Variants in MYO3B observed in about 807,000 individuals in gnomAD.
MYO3B encodes myosin-IIIb.
Under a neutral mutation model 174.6 loss-of-function variants are expected in MYO3B, and 156 were observed. The observed-to-expected ratio is 0.89, with a 90% CI of 0.78 to 1.02. The LOEUF (loss-of-function observed/expected upper bound fraction) is 1.02. Among genes scored for constraint, MYO3B ranks in the 50% least tolerant of loss-of-function variants. MYO3B has a pLI of 0.00. For synonymous variants in MYO3B, 563 were observed against 569.1 expected, an observed-to-expected ratio of 0.99 and a Z score of 0.15; for missense variants, 1,632 against 1,639.4, an observed-to-expected ratio of 1.00 and a Z score of 0.08.
chr2:170,400,005 T>C (rs1408193412), intron 16 of MYO3B, among the ~76,000 whole-genome samples, 183 bp from the exon 17 acceptor site: 2 of 152,138 alleles, frequency 1.3e-5, no homozygotes, highest in African/African-American at 2.4e-5. Context: ...GCTTGCTTCA[T>C]TGTTAAAATG....
rs77814220 is a variant in MYO3B, at chr2:170,507,058, A to C, written c.3370+5193A>C. ...TCAAACTCACTGTCTTTATCAGAGG[A>C]AGCACAGGTGTGAGAGAAGACAAGA... On this transcript the variant is annotated intron_variant, in intron 28 of 34. Transcript: ENST00000408978. 8.9e-3 allele frequency among the ~76,000 whole-genome samples: 1,357 copies of C among 152,322 alleles called. 42 individuals are homozygous for C. The highest frequency in any genetic ancestry group is 0.088 in the East Asian group (457 of 5,180).
chr2:170,442,497 CTTT>C (rs34632756), intron 22 of MYO3B, among the ~76,000 whole-genome samples: 8,596 of 136,828 alleles, frequency 0.063, 298 homozygotes, highest in African/African-American at 0.091. Context: ...AGGAGGTGTT[CTTT>C]TTTTTTTTTT....
At chr2:170,389,757 G>C (rs964435956) in intron 14 of MYO3B, among the ~76,000 whole-genome samples, 6 of 152,140 alleles carry the variant, frequency 3.9e-5, no homozygotes, top group Non-Finnish European at 7.4e-5. Flanking sequence ...AGATGCTCAA[G>C]CTAGAAATCT....
chr2:170,214,300 G>A (rs67994603), intron 3 of MYO3B, 79 bp from the exon 4 acceptor site: 1 of 1,158,532 alleles, frequency 8.6e-7, no homozygotes, highest in Non-Finnish European at 1.3e-6. Flanking sequence ...AGTATCAGTC[G>A]GCTTTTCTTA....
intron 6 of MYO3B, among the ~76,000 whole-genome samples, chr2:170,232,605 G>A (rs1301296032): frequency 6.6e-6 from 1 of 152,162 alleles, no homozygotes; most frequent in Non-Finnish European, 1.5e-5. Context: ...TCCCTGCCTG[G>A]GTTCAAATTC....
chr2:170,270,687 T>C (rs1370617181), intron 7 of MYO3B, among the ~76,000 whole-genome samples: 2 of 152,180 alleles, frequency 1.3e-5, no homozygotes, highest in Non-Finnish European at 2.9e-5. Context: ...ATTTTCTATG[T>C]TTCCTCCAAC....
chr2:170,197,018 G>GTT (rs35829763), intron 1 of MYO3B, among the ~76,000 whole-genome samples: 84 of 144,232 alleles, frequency 5.8e-4, no homozygotes, highest in South Asian at 2.0e-3. Flanking sequence ...ATCTTTTCAG[G>GTT]TTTTTTTTTT....
rs2092548948 is a variant in MYO3B, at chr2:170,192,219, T to C, written c.3-6989T>C. On this transcript the variant is annotated intron_variant, in intron 1 of 34. Transcript: ENST00000408978. ...TAAAACCATCTGAGCCTGTGGCTTT[T>C]TGAGGGCTAGCTCTTTTTTTTTATT... 3.3e-5 allele frequency among the ~76,000 whole-genome samples: 5 copies of C among 152,066 alleles called. No homozygotes were observed. In the South Asian group the frequency reaches 6.2e-4, roughly 19 times the overall value.
At chr2:170,327,111 G>A (rs1313236220) in intron 7 of MYO3B, among the ~76,000 whole-genome samples, 1 of 152,266 alleles carries the variant, frequency 6.6e-6, no homozygotes, top group African/African-American at 2.4e-5. Context: ...ACAAGGCTGG[G>A]TGTGGTGGCT....
chr2:170,489,657 G>A (rs1686314010), intron 25 of MYO3B, among the ~76,000 whole-genome samples: 1 of 149,210 alleles, frequency 6.7e-6, no homozygotes, highest in Non-Finnish European at 1.5e-5. Context: ...GTGTGTGTGT[G>A]TGTGTGTGTG....
At chr2:170,200,016 A>G in intron 2 of MYO3B, 134 bp from the exon 3 acceptor site, 1 of 713,438 alleles carries the variant, frequency 1.4e-6, no homozygotes, top group African/African-American at 1.8e-5. Flanking sequence ...ATTGTTAGAT[A>G]TTTTGAAGGT....
At chr2:170,396,931 G>C (rs191476293) in intron 16 of MYO3B, among the ~76,000 whole-genome samples, 15 of 152,280 alleles carry the variant, frequency 9.9e-5, no homozygotes, top group Admixed American at 5.9e-4. Context: ...TATAGAAACA[G>C]CTGATGTAGA....
At chr2:170,476,833 A>G (rs546508708) in intron 25 of MYO3B, among the ~76,000 whole-genome samples, 1 of 151,934 alleles carries the variant, frequency 6.6e-6, no homozygotes, top group Non-Finnish European at 1.5e-5. Flanking sequence ...TCTACCGAGT[A>G]TTTCCCTGTC....
intron 7 of MYO3B, chr2:170,333,839 T>G (rs2093928597): frequency 6.6e-6 from 1 of 152,204 alleles, no homozygotes; most frequent in African/African-American, 2.4e-5. Context: ...AGTATATCAC[T>G]TACCATATTA....
At chr2:170,412,745 T>C (rs1314739113) in intron 22 of MYO3B, among the ~76,000 whole-genome samples, 1 of 152,192 alleles carries the variant, frequency 6.6e-6, no homozygotes, top group African/African-American at 2.4e-5. Context: ...TGTTGGTCTA[T>C]CCTGATAGTT....
chr2:170,246,584 C>G (rs906198072), intron 7 of MYO3B, among the ~76,000 whole-genome samples: 1 of 151,112 alleles, frequency 6.6e-6, no homozygotes, highest in African/African-American at 2.4e-5. Context: ...CATATAAAGA[C>G]AGACACACAG....
chr2:170,472,617 C>T (rs1575035435), intron 25 of MYO3B, among the ~76,000 whole-genome samples: 2 of 152,072 alleles, frequency 1.3e-5, no homozygotes, highest in East Asian at 3.8e-4. Context: ...TTATCTACCT[C>T]TTATCTGAAC....
intron 34 of MYO3B, 57 bp from the exon 35 acceptor site, chr2:170,652,926 T>A (rs1699101074): frequency 6.2e-7 from 1 of 1,602,962 alleles, no homozygotes; most frequent in African/African-American, 1.3e-5. Flanking sequence ...GCCCCAGTGA[T>A]GATTGTAACA....
At chr2:170,284,335 T>C (rs2093537945) in intron 7 of MYO3B, among the ~76,000 whole-genome samples, 1 of 152,176 alleles carries the variant, frequency 6.6e-6, no homozygotes. Context: ...AGTTAAACTG[T>C]ATGACATTCC....
Sources: gnomAD v4.1 joint callset for allele counts (sites outside exome capture counted in the v4.1 genomes callset) on GRCh38, gnomAD v4.1.1 for gene constraint, MANE v1.5 for transcripts, NCBI Gene and HGNC (gene_info 2026-07-23, HGNC 2026-07-21) for gene names.